The following MOB3C variants were observed in gnomAD, a reference collection of about 807,000 sequenced individuals.
MOB3C encodes the protein MOB kinase activator 3C.
In MOB3C, 17 loss-of-function variants were observed where a neutral mutation model predicts 19.8. The ratio of observed to expected loss-of-function variants is 0.86; its 90% CI spans 0.59 to 1.29. The LOEUF is 1.29. MOB3C is among the 50% of genes most tolerant of loss of function. The pLI is 0.00. For missense variants in MOB3C, 291 were observed against 301.9 expected (o/e 0.96, Z 0.27); for synonymous variants, 101 against 119.2 (o/e 0.85, Z 0.99).
chr1:46,609,959 G>A (rs1675433943), intron 3 of MOB3C, 43 bp downstream of exon 3: 1 of 1,608,562 alleles, frequency 6.2e-7, no homozygotes, highest in South Asian at 1.1e-5. Context: ...TGAAAACTCA[G>A]AGGCTAGCCT....
Position 46,613,302 on chromosome 1 carries a change from T to C in MOB3C, c.20A>G (p.Gln7Arg), listed in dbSNP as rs568493531. The C allele has an allele frequency of 1.9e-6, 3 of 1,606,510 alleles. No homozygotes were observed. The highest frequency in any genetic ancestry group is 2.5e-6 in the Non-Finnish European group (3 of 1,180,014). ...GAACGTCTTGTCCTTGGCGAACACC[T>C]GCTTCAGGCACAGGGCCATGGCCAG... MALCLK[Q>R]VFAKDKTFRP... The change falls in exon 2 of 4, where the codon CAG becomes CGG. Residue 7 changes from glutamine (Q) to arginine (R), a missense_variant. Coordinates refer to ENST00000319928, the MANE Select transcript of MOB3C (RefSeq NM_201403.3).
chr1:46,611,575 C>T lies in MOB3C; in HGVS notation c.418+1329G>A, dbSNP rs1489680179. Reference sequence around the variant, plus strand: ...CATTCAGGTCCACAGCTGGCCCACCCGGCTCTGTAGACCCCCTCCTCTTCC... The same window carrying T: ...CATTCAGGTCCACAGCTGGCCCACCTGGCTCTGTAGACCCCCTCCTCTTCC... On this transcript the variant is annotated intron_variant, in intron 2 of 3. Coordinates refer to ENST00000319928, the MANE Select transcript of MOB3C (RefSeq NM_201403.3). The surrounding 1 kb of genome is among the most constrained non-coding windows in gnomAD (Gnocchi z 4.1). Among the ~76,000 whole-genome samples, 1 of 152,156 alleles carries T rather than the reference C, an allele frequency of 6.6e-6. No individual in the cohort carries two copies. Among genetic ancestry groups the T allele is most frequent in the Non-Finnish European group, 1.5e-5 (1 of 68,024 alleles).
At chr1:46,609,896 CTAAT>C in intron 3 of MOB3C, 102 bp downstream of exon 3, 1 of 1,351,474 alleles carries the variant, frequency 7.4e-7, no homozygotes, top group Non-Finnish European at 1.0e-6. Flanking sequence ...TTGCCTTCCC[CTAAT>C]TCATCTACTT....
At position 46,613,385 on chromosome 1, in the gene MOB3C, G is replaced by A; in HGVS notation, c.-50-14C>T. 1 of 1,575,062 alleles carries A rather than the reference G, an allele frequency of 6.3e-7. No individual in the cohort carries two copies. Among genetic ancestry groups the A allele is most frequent in the South Asian group, 1.1e-5 (1 of 88,862 alleles). On this transcript the variant is annotated splice_polypyrimidine_tract_variant and intron_variant, in intron 1 of 3. Coordinates refer to ENST00000319928, the MANE Select transcript of MOB3C (RefSeq NM_201403.3). ...CCTGAGGATACCCTGCCAGGGACAAGGGCATAGGGGAGCTGGCGGTCAAGG... is the reference window on the plus strand; with the variant it reads ...CCTGAGGATACCCTGCCAGGGACAAAGGCATAGGGGAGCTGGCGGTCAAGG...
intron 3 of MOB3C, 127 bp downstream of exon 3, chr1:46,609,875 T>C: frequency 1.6e-6 from 2 of 1,267,610 alleles, no homozygotes; most frequent in Admixed American, 3.9e-5. Flanking sequence ...CAGAATTCAC[T>C]GTTAAATGAA....
intron 1 of MOB3C, chr1:46,613,583 A>C: frequency 1.7e-6 from 1 of 572,454 alleles, no homozygotes; most frequent in South Asian, 2.3e-5. Flanking sequence ...CAGTCCTCCC[A>C]TCTTGCTTTG....
Position 46,608,414 on chromosome 1 carries a change from G to A in MOB3C, c.*1241C>T, listed in dbSNP as rs1246631670. 1.3e-5 allele frequency: 2 copies of A among 152,602 alleles called. No homozygotes were observed. The highest frequency in any genetic ancestry group is 4.8e-5 in the African/African-American group (2 of 41,450). 9.5% of individuals were successfully genotyped at this position (152,602 alleles called of 1,614,324 possible). The stretch of plus-strand genomic sequence containing the variant: ...TCCTGCCTCAGTTTCCCCACCTGTG[G>A]GTCTGCGTATAGGGCTGGGTATGGA... On this transcript the variant is annotated 3_prime_UTR_variant, in exon 4 of 4. Transcript: ENST00000319928. This position sits in a 1 kb window ranked among gnomAD's most constrained non-coding sequence, Gnocchi z 4.5.
At position 46,607,953 on chromosome 1, in the gene MOB3C, C is replaced by G. The variant is rs1675393678; in HGVS notation, c.*1702G>C. On this transcript the variant is annotated 3_prime_UTR_variant, in exon 4 of 4. Coordinates refer to ENST00000319928, the MANE Select transcript of MOB3C (RefSeq NM_201403.3). ...GCGGCAGAGGCAGAAGTCCCAGGCC[C>G]AGCTGGCTGGGCCCAAGAGCTCCAT... 2 of 152,338 alleles carry G rather than the reference C, an allele frequency of 1.3e-5. No individual in the cohort carries two copies. The highest frequency in any genetic ancestry group is 2.9e-5 in the Non-Finnish European group (2 of 68,068). The allele number at this position is 152,338 out of a possible 1,614,324, so 9.4% of individuals were successfully genotyped here. A position where few individuals can be genotyped will look rare whatever the true frequency, so the allele number is the denominator to read the frequency against.
intron 2 of MOB3C, among the ~76,000 whole-genome samples, chr1:46,612,118 C>G (rs901772166): frequency 4.6e-5 from 7 of 152,200 alleles, no homozygotes; most frequent in African/African-American, 1.7e-4. Context: ...CTCATCTCCC[C>G]TCCCTACCCT....
At chr1:46,612,801 G>GGTT in intron 2 of MOB3C, 103 bp downstream of exon 2, 1 of 1,166,096 alleles carries the variant, frequency 8.6e-7, no homozygotes, top group South Asian at 1.8e-5. Context: ...CACAAAATGG[G>GGTT]GATGAAAATC....
intron 1 of MOB3C, chr1:46,613,685 TC>T (rs1675515259): frequency 2.9e-6 from 1 of 346,184 alleles, no homozygotes; most frequent in African/African-American, 2.1e-5. Flanking sequence ...TCGCAGAGGC[TC>T]CCTGCAGGCC....
Position 46,609,534 on chromosome 1 carries a change from C to G in MOB3C, c.*121G>C. On this transcript the variant is annotated 3_prime_UTR_variant, in exon 4 of 4. Transcript: ENST00000319928. ...CTCCTGAGAACCAGAAGTCCAGAGG[C>G]TTTGGGTGTGTGGAGTGATTCCAGT... 1 of 1,279,930 alleles carries G rather than the reference C, an allele frequency of 7.8e-7. No individual in the cohort carries two copies. Among genetic ancestry groups the G allele is most frequent in the Admixed American group, 1.8e-5 (1 of 54,656 alleles). 79.3% of individuals were successfully genotyped at this position (1,279,930 alleles called of 1,614,324 possible).
chr1:46,615,068 GC>G, intron 1 of MOB3C: 1 of 1,612,922 alleles, frequency 6.2e-7, no homozygotes, highest in Non-Finnish European at 8.5e-7. Flanking sequence ...AGAGATTTCT[GC>G]GCTTCATTTG....
rs1344047873 is a variant in MOB3C at position 46,611,883 on chromosome 1, G to A, written c.418+1021C>T. On this transcript the variant is annotated intron_variant, in intron 2 of 3. Coordinates refer to ENST00000319928, the MANE Select transcript of MOB3C (RefSeq NM_201403.3). The surrounding 1 kb of genome is among the most constrained non-coding windows in gnomAD (Gnocchi z 4.1). ...GCATTGAATTGTGACTCAGTGCCCAGCTTCCTTCAGCATTCAGACTTCTCC... is the reference window on the plus strand; with the variant it reads ...GCATTGAATTGTGACTCAGTGCCCAACTTCCTTCAGCATTCAGACTTCTCC... Among the ~76,000 whole-genome samples, 1 of 152,156 alleles carries A rather than the reference G, an allele frequency of 6.6e-6. No homozygotes were observed. Among genetic ancestry groups the A allele is most frequent in the African/African-American group, 2.4e-5 (1 of 41,432 alleles).
rs529794758 is a variant in MOB3C, at chr1:46,608,764, C to G, written c.*891G>C. The G allele has an allele frequency of 8.5e-5, 13 of 152,684 alleles. No individual in the cohort carries two copies. The highest frequency in any genetic ancestry group is 1.6e-4 in the Non-Finnish European group (11 of 68,046). 9.5% of individuals were successfully genotyped at this position (152,684 alleles called of 1,614,324 possible). Reference sequence around the variant, plus strand: ...GAGTATATGATTCCCAGATGAAGGGCCAGGGGACCTTTGTGTACTTGAGGG... The same window carrying G: ...GAGTATATGATTCCCAGATGAAGGGGCAGGGGACCTTTGTGTACTTGAGGG... On this transcript the variant is annotated 3_prime_UTR_variant, in exon 4 of 4. Transcript: ENST00000319928. The surrounding 1 kb of genome is among the most constrained non-coding windows in gnomAD (Gnocchi z 4.5).
At position 46,610,022 on chromosome 1, in the gene MOB3C, G is replaced by A; in HGVS notation, c.601C>T (p.Gln201Ter). 1 of 1,614,248 alleles carries A rather than the reference G, an allele frequency of 6.2e-7. No individual in the cohort carries two copies. The highest frequency in any genetic ancestry group is 2.2e-5 in the East Asian group (1 of 44,890). Residue 201 changes from glutamine to a stop codon, truncating the protein, a stop_gained, in exon 3 of 4, where the codon CAG becomes TAG. Transcript: ENST00000319928. LOFTEE classifies it high-confidence loss of function. ...YFIREFSLVD[Q>*]RELEPLREMT... ...CTCACCAGTGGCTCCAGCTCCCGCT[G>A]GTCCACCAGACTGAACTCGCGGATG...
At position 46,609,114 on chromosome 1, in the gene MOB3C, G is replaced by A. The variant is rs1289522733; in HGVS notation, c.*541C>T. ...ACTCCTACAGTGGTCATGGTCTGAT[G>A]GTCCCATGGTCTGATGGTCCCAATC... On this transcript the variant is annotated 3_prime_UTR_variant, in exon 4 of 4. Coordinates refer to ENST00000319928, the MANE Select transcript of MOB3C (RefSeq NM_201403.3). The A allele has an allele frequency of 8.7e-5, 5 of 57,356 alleles. No individual in the cohort carries two copies. The highest frequency in any genetic ancestry group is 2.4e-4 in the Non-Finnish European group (5 of 20,692). 3.6% of individuals were successfully genotyped at this position (57,356 alleles called of 1,614,324 possible). A position where few individuals can be genotyped will look rare whatever the true frequency, so the allele number is the denominator to read the frequency against.
rs919686213 is a variant in MOB3C at position 46,609,243 on chromosome 1, C to A, written c.*412G>T. ...CACCCCACAGTGAAAATCACACACA[C>A]ACACACACACCCCGGCATCTGTGCT... is the stretch of plus-strand genomic sequence containing the variant. On this transcript the variant is annotated 3_prime_UTR_variant, in exon 4 of 4. Transcript: ENST00000319928. 1.0e-5 allele frequency: 3 copies of A among 294,666 alleles called. No homozygotes were observed. Among genetic ancestry groups the A allele is most frequent in the African/African-American group, 4.4e-5 (2 of 44,980 alleles). 18.3% of individuals were successfully genotyped at this position (294,666 alleles called of 1,614,324 possible). A position where few individuals can be genotyped will look rare whatever the true frequency, so the allele number is the denominator to read the frequency against.
chr1:46,615,371 A>C (rs1570382717), intron 1 of MOB3C: 2 of 370,104 alleles, frequency 5.4e-6, no homozygotes, highest in African/African-American at 2.0e-5. Flanking sequence ...ATTGGCTGCT[A>C]CCTCCTCCCA....
Sources: gnomAD v4.1 joint callset for allele counts (sites outside exome capture counted in the v4.1 genomes callset) on GRCh38, gnomAD v4.1.1 for gene constraint, Gnocchi (gnomAD v3.1) non-coding constraint, MANE v1.5 for transcripts, NCBI Gene and HGNC (gene_info 2026-07-23, HGNC 2026-07-21) for gene names.